LRRC4C: variants seen among roughly 807,000 people sequenced by gnomAD.
The protein encoded by LRRC4C is leucine-rich repeat-containing protein 4C.
In LRRC4C, 5 loss-of-function variants were observed where a neutral mutation model predicts 33.6. The ratio of observed to expected loss-of-function variants is 0.15; its 90% CI spans 0.08 to 0.31. The LOEUF is 0.31. LRRC4C is among the 10% of genes least tolerant of loss of function. The pLI is 1.00. For synonymous variants in LRRC4C, 329 were observed against 302.0 expected (o/e 1.09, Z -0.93); for missense variants, 560 against 796.7 (o/e 0.70, Z 3.58).
intron 3 of LRRC4C, among the ~76,000 whole-genome samples, chr11:40,420,089 A>G (rs1950469672): frequency 7.9e-5 from 12 of 152,246 alleles, no homozygotes; most frequent in Admixed American, 7.9e-4. Context: ...TAGATGTATT[A>G]TTAAATGAAA....
chr11:40,496,589 A>T (rs1488737443), intron 3 of LRRC4C, among the ~76,000 whole-genome samples: 1 of 152,166 alleles, frequency 6.6e-6, no homozygotes, highest in African/African-American at 2.4e-5. Context: ...GGGAAAATAT[A>T]CCAGAAAGAA....
chr11:41,039,826 T>C (rs1857317321), intron 1 of LRRC4C, among the ~76,000 whole-genome samples: 2 of 152,012 alleles, frequency 1.3e-5, no homozygotes, highest in African/African-American at 2.4e-5. Flanking sequence ...GATCTTTTGG[T>C]TTCAGTTTCT....
chr11:40,723,582 C>T (rs1313287641), intron 2 of LRRC4C, among the ~76,000 whole-genome samples: 1 of 152,118 alleles, frequency 6.6e-6, no homozygotes, highest in Non-Finnish European at 1.5e-5. Context: ...TACCACTAGA[C>T]TGGCCTTATA....
At chr11:40,866,544 G>A (rs2135901171) in intron 2 of LRRC4C, among the ~76,000 whole-genome samples, 1 of 152,168 alleles carries the variant, frequency 6.6e-6, no homozygotes, top group African/African-American at 2.4e-5. Context: ...AAGATAACTT[G>A]ACTCACTGTC....
intron 1 of LRRC4C, among the ~76,000 whole-genome samples, chr11:41,127,227 A>G (rs1408120691): frequency 6.6e-6 from 1 of 151,366 alleles, no homozygotes; most frequent in East Asian, 2.0e-4. Context: ...GCTCATCTGA[A>G]TAAATTTTCT....
chr11:41,204,299 G>A (rs1014170565), intron 1 of LRRC4C, among the ~76,000 whole-genome samples: 1 of 152,208 alleles, frequency 6.6e-6, no homozygotes, highest in Non-Finnish European at 1.5e-5. Flanking sequence ...ACAAATCTCA[G>A]CTTGGCACCA....
chr11:41,018,270 T>A lies in LRRC4C; in HGVS notation c.-495-84547A>T, dbSNP rs182679341. Among the ~76,000 whole-genome samples, 4 of 152,306 alleles carry A rather than the reference T, an allele frequency of 2.6e-5. No individual in the cohort carries two copies. The East Asian group carries it at 7.7e-4, about 29-fold the overall frequency. On this transcript the variant is annotated intron_variant, in intron 1 of 6. Coordinates refer to ENST00000528697, the MANE Select transcript of LRRC4C (RefSeq NM_001258419.2). Reference sequence around the variant, plus strand: ...TTCACGTGTTCTAGAGCATCTTGTTTTTGCAAGTTTCTTTTCTCTTTTTGT... The same window carrying A: ...TTCACGTGTTCTAGAGCATCTTGTTATTGCAAGTTTCTTTTCTCTTTTTGT...
intron 3 of LRRC4C, among the ~76,000 whole-genome samples, chr11:40,572,681 C>T (rs115027608): frequency 9.9e-5 from 15 of 152,264 alleles, no homozygotes; most frequent in African/African-American, 2.9e-4. Flanking sequence ...AAAATGTCAA[C>T]ACTCAGCCTC....
chr11:40,602,285 C>T (rs184076174), intron 3 of LRRC4C, among the ~76,000 whole-genome samples: 11 of 151,624 alleles, frequency 7.3e-5, no homozygotes, highest in East Asian at 5.8e-4. Context: ...GCTGGTCTCA[C>T]GAAATATTTT....
chr11:40,631,651 T>C (rs1209639997), intron 3 of LRRC4C, among the ~76,000 whole-genome samples: 2 of 152,114 alleles, frequency 1.3e-5, no homozygotes, highest in African/African-American at 2.4e-5. Flanking sequence ...CTGAGTATTA[T>C]GTTAAGCTAT....
chr11:40,772,902 G>A (rs546434708), intron 2 of LRRC4C, among the ~76,000 whole-genome samples: 2 of 152,232 alleles, frequency 1.3e-5, no homozygotes, highest in African/African-American at 4.8e-5. Flanking sequence ...CTGCACTCCC[G>A]TGTTTACTGC....
intron 4 of LRRC4C, among the ~76,000 whole-genome samples, chr11:40,245,678 G>T (rs11035747): frequency 0.75 from 113,294 of 151,872 alleles, 46,160 homozygotes; most frequent in East Asian, 0.95. Flanking sequence ...CATCTCTGGC[G>T]GCATGAATTC....
At chr11:40,654,230 C>T (rs186303997) in intron 2 of LRRC4C, among the ~76,000 whole-genome samples, 43 of 152,252 alleles carry the variant, frequency 2.8e-4, no homozygotes, top group African/African-American at 9.1e-4. Context: ...GAGAAGAGGG[C>T]CACCATCCTC....
intron 1 of LRRC4C, among the ~76,000 whole-genome samples, chr11:41,379,698 T>C (rs1337150932): frequency 1.3e-5 from 2 of 152,186 alleles, no homozygotes; most frequent in African/African-American, 2.4e-5. Context: ...ATTTGTTTCT[T>C]GATGTTCCTG....
chr11:40,307,027 A>G (rs1945073699), intron 4 of LRRC4C, among the ~76,000 whole-genome samples: 1 of 151,602 alleles, frequency 6.6e-6, no homozygotes, highest in Non-Finnish European at 1.5e-5. Flanking sequence ...ATATCTATCT[A>G]TCTATATACA....
chr11:41,370,284 A>C (rs1004578450), intron 1 of LRRC4C, among the ~76,000 whole-genome samples: 4 of 152,168 alleles, frequency 2.6e-5, no homozygotes, highest in Non-Finnish European at 5.9e-5. Flanking sequence ...CCTGGGTTTA[A>C]GTGATCCTCC....
intron 2 of LRRC4C, among the ~76,000 whole-genome samples, chr11:40,799,760 C>T (rs1266045520): frequency 1.3e-5 from 2 of 152,234 alleles, no homozygotes; most frequent in South Asian, 2.1e-4. Context: ...TGAGCCACTA[C>T]ATCTGGTCGT....
At chr11:40,487,854 T>G (rs1590889811) in intron 3 of LRRC4C, among the ~76,000 whole-genome samples, 1 of 152,226 alleles carries the variant, frequency 6.6e-6, no homozygotes, top group South Asian at 2.1e-4. Context: ...ATGTGACAAC[T>G]GTAGATTTTA....
intron 1 of LRRC4C, among the ~76,000 whole-genome samples, chr11:41,069,197 A>C (rs538660731): frequency 1.3e-5 from 2 of 152,322 alleles, no homozygotes; most frequent in South Asian, 4.1e-4. Flanking sequence ...GAGACAGAAA[A>C]GGCCTTCAAT....
Sources: allele counts gnomAD v4.1 joint callset (sites outside exome capture counted in the v4.1 genomes callset), GRCh38; gene constraint gnomAD v4.1.1; transcripts MANE v1.5; gene names NCBI Gene and HGNC (gene_info 2026-07-23, HGNC 2026-07-21).